FHL5: variants seen among roughly 807,000 people sequenced by gnomAD.
FHL5 encodes four and a half LIM domains 5.
Under a neutral mutation model 32.0 loss-of-function variants are expected in FHL5, and 33 were observed. The observed-to-expected ratio is 1.03, with a 90% CI of 0.78 to 1.38. The LOEUF (loss-of-function observed/expected upper bound fraction) is 1.38. FHL5 is among the 40% of genes most tolerant of loss of function. The pLI is 0.00. For synonymous variants in FHL5, 114 were observed against 113.6 expected (o/e 1.00, Z -0.02); for missense variants, 336 against 343.9 (o/e 0.98, Z 0.18).
rs113564630 is a variant in FHL5, at chr6:96,617,460, G to A, written c.*1688G>A. On this transcript the variant is annotated 3_prime_UTR_variant, in exon 6 of 6. Transcript: ENST00000450218. ...GTTAATAATTTAGAGATACTAATAA[G>A]TGTTCTGCTAGATAGACTATTTGAA... is the stretch of plus-strand genomic sequence containing the variant. 2.1e-3 allele frequency among the ~76,000 whole-genome samples: 317 copies of A among 152,286 alleles called. 1 individual carries two copies. Among genetic ancestry groups the A allele is most frequent in the African/African-American group, 4.8e-3 (200 of 41,560 alleles).
At chr6:96,591,922 T>C (rs1770927232) in intron 1 of FHL5, among the ~76,000 whole-genome samples, 1 of 152,084 alleles carries the variant, frequency 6.6e-6, no homozygotes, top group Admixed American at 6.6e-5. Flanking sequence ...TTAGGGATTT[T>C]CAATGGGGAG....
chr6:96,604,354 G>T (rs1771224710), intron 2 of FHL5, among the ~76,000 whole-genome samples: 1 of 143,728 alleles, frequency 7.0e-6, no homozygotes, highest in African/African-American at 2.6e-5. Context: ...CCCTCTTTCT[G>T]CCTTTGTTTT....
At chr6:96,608,158 C>T (rs1334873255) in intron 4 of FHL5, among the ~76,000 whole-genome samples, 1 of 152,148 alleles carries the variant, frequency 6.6e-6, no homozygotes, top group Non-Finnish European at 1.5e-5. Flanking sequence ...ATCCTAAAAT[C>T]ATTTATCAGA....
chr6:96,595,782 C>A (rs1222969049), intron 1 of FHL5, among the ~76,000 whole-genome samples: 1 of 151,836 alleles, frequency 6.6e-6, no homozygotes, highest in Admixed American at 6.6e-5. Flanking sequence ...TGTTGCAAAT[C>A]TGCCTAGTCA....
rs1562059700 is a variant in FHL5 at position 96,594,262 on chromosome 6, TA to T, written c.-12-9339del. On this transcript the variant is annotated intron_variant, in intron 1 of 5. Coordinates refer to ENST00000450218, the MANE Select transcript of FHL5 (RefSeq NM_001322466.2). The stretch of plus-strand genomic sequence containing the variant: ...ATATATATATATATATATATATATA[TA>T]TATATATATATGTATGTATGTATTT... 5.6e-3 allele frequency among the ~76,000 whole-genome samples: 576 copies of T among 102,720 alleles called. 10 individuals carry two copies. Among genetic ancestry groups the T allele is most frequent in the African/African-American group, 6.7e-3 (213 of 32,030 alleles). 67.4% of individuals were successfully genotyped at this position (102,720 alleles called of 152,430 possible). A position where few individuals can be genotyped will look rare whatever the true frequency, so the allele number is the denominator to read the frequency against.
chr6:96,603,827 T>C (rs771799167), intron 2 of FHL5, 55 bp downstream of exon 2: 2 of 1,393,840 alleles, frequency 1.4e-6, no homozygotes, highest in African/African-American at 2.9e-5. Flanking sequence ...AACAAGTGGG[T>C]TGGAGTGCCT....
chr6:96,599,430 G>A (rs957739852), intron 1 of FHL5, among the ~76,000 whole-genome samples: 6 of 152,052 alleles, frequency 3.9e-5, no homozygotes, highest in African/African-American at 1.4e-4. Context: ...CACGACGTCA[G>A]GTGATCTGCC....
rs1354194599 is a variant in FHL5, at chr6:96,606,150, G to C, written c.504+79G>C. Reference sequence around the variant, plus strand: ...CTGTATCATATATTTAGAATGAACTGATACTATTATGTTATATCTGTAATC... The same window carrying C: ...CTGTATCATATATTTAGAATGAACTCATACTATTATGTTATATCTGTAATC... On this transcript the variant is annotated intron_variant, in intron 4 of 5. Transcript: ENST00000450218. 9 of 1,208,632 alleles carry C rather than the reference G, an allele frequency of 7.4e-6. No homozygotes were observed. In the South Asian group the frequency reaches 1.2e-4, roughly 17 times the overall value. 74.9% of individuals were successfully genotyped at this position (1,208,632 alleles called of 1,614,324 possible).
rs111441875 is a variant in FHL5, at chr6:96,582,022, A to G, written c.-13+18667A>G. Among the ~76,000 whole-genome samples the G allele has an allele frequency of 4.7e-3, 717 of 152,318 alleles. 6 individuals carry two copies. Among genetic ancestry groups the G allele is most frequent in the African/African-American group, 0.014 (566 of 41,592 alleles). ...ATACTTTTAGATAAATTGTATTTTT[A>G]GTCTTGTCCTTACCTATACTAAACC... On this transcript the variant is annotated intron_variant, in intron 1 of 5. Transcript: ENST00000450218.
intron 1 of FHL5, among the ~76,000 whole-genome samples, chr6:96,573,527 A>ATTTTTTTTTT: frequency 8.9e-6 from 1 of 112,426 alleles, no homozygotes; most frequent in Non-Finnish European, 1.8e-5. Flanking sequence ...AAATATTCTA[A>ATTTTTTTTTT]TTTTTTTTTT....
intron 1 of FHL5, among the ~76,000 whole-genome samples, chr6:96,588,354 G>A (rs1247020073): frequency 6.6e-6 from 1 of 152,152 alleles, no homozygotes; most frequent in African/African-American, 2.4e-5. Flanking sequence ...GGGATTACAG[G>A]CATGCACCAC....
Position 96,606,086 on chromosome 6 carries a change from A to AG in FHL5, c.504+18dup, listed in dbSNP as rs767759376. The AG allele has an allele frequency of 3.1e-6, 5 of 1,609,646 alleles. No individual in the cohort carries two copies. In the Admixed American group the frequency reaches 5.0e-5, roughly 16 times the overall value. On this transcript the variant is annotated intron_variant, in intron 4 of 5. Transcript: ENST00000450218. ...TTTGTAAGAAGGTAATTTTCTAAAG[A>AG]GGGTGAAGCTTGTGGAAACTCAGAC... is the stretch of plus-strand genomic sequence containing the variant.
intron 1 of FHL5, among the ~76,000 whole-genome samples, chr6:96,596,215 G>A (rs771289267): frequency 5.9e-5 from 9 of 152,114 alleles, no homozygotes; most frequent in Non-Finnish European, 1.2e-4. Context: ...CCTTTAGAGA[G>A]TGTTAACCTT....
chr6:96,589,305 T>C (rs1326949885), intron 1 of FHL5, among the ~76,000 whole-genome samples: 3 of 152,174 alleles, frequency 2.0e-5, no homozygotes, highest in Non-Finnish European at 4.4e-5. Flanking sequence ...CTTGTTACAT[T>C]TAAGACAAGT....
intron 1 of FHL5, among the ~76,000 whole-genome samples, chr6:96,591,477 T>G (rs1379513192): frequency 6.6e-6 from 1 of 152,138 alleles, no homozygotes; most frequent in Non-Finnish European, 1.5e-5. Context: ...CACTGTTTGG[T>G]ATTATTTTAA....
chr6:96,590,720 C>T (rs546444220), intron 1 of FHL5, among the ~76,000 whole-genome samples: 13 of 152,012 alleles, frequency 8.6e-5, no homozygotes, highest in African/African-American at 2.2e-4. Flanking sequence ...GTATAGTGTT[C>T]GCTATAGGTT....
chr6:96,574,359 A>G (rs554633507), intron 1 of FHL5, among the ~76,000 whole-genome samples: 1 of 152,376 alleles, frequency 6.6e-6, no homozygotes, highest in Admixed American at 6.5e-5. Context: ...ATAATACTTT[A>G]GTCTTCAAAA....
At chr6:96,601,044 T>C (rs1032183253) in intron 1 of FHL5, among the ~76,000 whole-genome samples, 1 of 152,136 alleles carries the variant, frequency 6.6e-6, no homozygotes, top group African/African-American at 2.4e-5. Flanking sequence ...GTGAATTTCT[T>C]CTTTCCAGAG....
At chr6:96,569,787 T>G (rs1770436461) in intron 1 of FHL5, among the ~76,000 whole-genome samples, 1 of 121,650 alleles carries the variant, frequency 8.2e-6, no homozygotes, top group Non-Finnish European at 2.0e-5. Flanking sequence ...TGTGTCTTTT[T>G]AGGTGAAGTG....
Sources: gnomAD v4.1 joint callset for allele counts (sites outside exome capture counted in the v4.1 genomes callset) on GRCh38, gnomAD v4.1.1 for gene constraint, MANE v1.5 for transcripts, NCBI Gene and HGNC (gene_info 2026-07-23, HGNC 2026-07-21) for gene names.